DSTYK: variants seen among roughly 807,000 people sequenced by gnomAD.
DSTYK encodes the protein RIP-homologous kinase.
In DSTYK, 34 loss-of-function variants were observed where a neutral mutation model predicts 98.7. The ratio of observed to expected loss-of-function variants is 0.34; its 90% CI spans 0.26 to 0.46. The LOEUF is 0.46. Among genes scored for constraint, DSTYK ranks in the 20% least tolerant of loss-of-function variants. The pLI is 1.00. For synonymous variants in DSTYK, 462 were observed against 457.3 expected, an observed-to-expected ratio of 1.01 and a Z score of -0.13; for missense variants, 962 against 1,181.7, an observed-to-expected ratio of 0.81 and a Z score of 2.73.
intron 2 of DSTYK, among the ~76,000 whole-genome samples, chr1:205,178,310 T>C (rs1045527547): frequency 2.6e-5 from 4 of 151,984 alleles, no homozygotes; most frequent in African/African-American, 4.8e-5. Context: ...AACCGACAAG[T>C]TGATAAGAAT....
At chr1:205,184,879 C>A (rs1026950024) in intron 2 of DSTYK, among the ~76,000 whole-genome samples, 1 of 152,088 alleles carries the variant, frequency 6.6e-6, no homozygotes, top group Non-Finnish European at 1.5e-5. Flanking sequence ...TCACTGTGCT[C>A]AGACAAGCAT....
intron 1 of DSTYK, among the ~76,000 whole-genome samples, chr1:205,194,378 C>T (rs1452225699): frequency 1.3e-5 from 2 of 152,116 alleles, no homozygotes; most frequent in African/African-American, 2.4e-5. Context: ...AGGGAAGGCA[C>T]TACAAAAGTT....
chr1:205,145,527 T>TC lies in DSTYK; in HGVS notation c.*2030_*2031insG. ...TGTGCGACTCATCTTTGTTTTTTGT[T>TC]TTTTTTTTTGTTTTTTTTTGAGATA... On this transcript the variant is annotated 3_prime_UTR_variant, in exon 13 of 13. Transcript: ENST00000367162. The TC allele has an allele frequency of 7.4e-6, 1 of 134,596 alleles. No homozygotes were observed. Among genetic ancestry groups the TC allele is most frequent in the Non-Finnish European group, 1.7e-5 (1 of 60,000 alleles). 8.3% of individuals were successfully genotyped at this position (134,596 alleles called of 1,614,324 possible).
rs1219974248 is a variant in DSTYK, at chr1:205,146,286, C to T, written c.*1272G>A. The T allele has an allele frequency of 6.6e-6, 1 of 152,106 alleles. No homozygotes were observed. The highest frequency in any genetic ancestry group is 1.5e-5 in the Non-Finnish European group (1 of 68,036). The allele number at this position is 152,106 out of a possible 1,614,324, so 9.4% of individuals were successfully genotyped here. ...TTCTTCCAGTATGTTTGTACATAGG[C>T]CATGGCCTCCAATCATCTCCCACCT... On this transcript the variant is annotated 3_prime_UTR_variant, in exon 13 of 13. Transcript: ENST00000367162.
chr1:205,148,903 G>T (rs1216657191), intron 11 of DSTYK, among the ~76,000 whole-genome samples: 16 of 135,736 alleles, frequency 1.2e-4, no homozygotes, highest in South Asian at 2.4e-4. Flanking sequence ...ATTAGAAAGT[G>T]TTTTTTTTTT....
At chr1:205,178,800 C>T (rs923884643) in intron 2 of DSTYK, among the ~76,000 whole-genome samples, 4 of 152,106 alleles carry the variant, frequency 2.6e-5, no homozygotes, top group African/African-American at 7.2e-5. Context: ...TAGGTGCTTT[C>T]AACACATTCT....
intron 2 of DSTYK, among the ~76,000 whole-genome samples, chr1:205,185,731 TATAAAAAA>T (rs1658541805): frequency 6.6e-6 from 1 of 152,128 alleles, no homozygotes; most frequent in Non-Finnish European, 1.5e-5. Context: ...TGAATTAAAA[TATAAAAAA>T]GTAGCCAGGC....
chr1:205,159,164 T>C (rs1252592073), intron 9 of DSTYK, among the ~76,000 whole-genome samples: 6 of 152,114 alleles, frequency 3.9e-5, no homozygotes, highest in East Asian at 1.9e-4. Flanking sequence ...TCATAGCTCA[T>C]TGCAGTCTCA....
chr1:205,182,498 TAAAA>T (rs386369411), intron 2 of DSTYK, among the ~76,000 whole-genome samples: 9 of 77,752 alleles, frequency 1.2e-4, no homozygotes, highest in African/African-American at 2.8e-4. Flanking sequence ...TTAAAAACGG[TAAAA>T]AAAAAAAAAA....
Position 205,169,966 on chromosome 1 carries a change from C to T in DSTYK, c.655-134G>A, listed in dbSNP as rs746966751. On this transcript the variant is annotated intron_variant, in intron 2 of 12. Coordinates refer to ENST00000367162, the MANE Select transcript of DSTYK (RefSeq NM_015375.3). This position sits in a 1 kb window ranked among gnomAD's most constrained non-coding sequence, Gnocchi z 4.0. Reference sequence around the variant, plus strand: ...GACTTCGGTACCCCAGCCATTGATCCACCTCCTTCCTCGGTTACCAACACT... The same window carrying T: ...GACTTCGGTACCCCAGCCATTGATCTACCTCCTTCCTCGGTTACCAACACT... The T allele has an allele frequency of 1.5e-4, 118 of 784,294 alleles. No individual in the cohort carries two copies. The highest frequency in any genetic ancestry group is 2.2e-4 in the Non-Finnish European group (112 of 505,228). The allele number at this position is 784,294 out of a possible 1,614,324, so 48.6% of individuals were successfully genotyped here. A position where few individuals can be genotyped will look rare whatever the true frequency, so the allele number is the denominator to read the frequency against.
intron 10 of DSTYK, among the ~76,000 whole-genome samples, 175 bp downstream of exon 10, chr1:205,157,098 C>G (rs1272605710): frequency 6.6e-6 from 1 of 152,114 alleles, no homozygotes; most frequent in East Asian, 1.9e-4. Context: ...TCAATTAAAC[C>G]TCTTTCTTTA....
intron 1 of DSTYK, chr1:205,202,505 G>T: frequency 1.1e-6 from 1 of 870,398 alleles, no homozygotes; most frequent in Non-Finnish European, 1.9e-6. Flanking sequence ...GAACTTAAGG[G>T]TTTAGATGTA....
At chr1:205,183,748 A>G (rs1457990796) in intron 2 of DSTYK, among the ~76,000 whole-genome samples, 1 of 152,206 alleles carries the variant, frequency 6.6e-6, no homozygotes, top group African/African-American at 2.4e-5. Flanking sequence ...TAGCTGCTGT[A>G]CAATGCCCCC....
intron 3 of DSTYK, among the ~76,000 whole-genome samples, chr1:205,168,462 TC>T (rs1657953706): frequency 6.6e-6 from 1 of 152,216 alleles, no homozygotes; most frequent in South Asian, 2.1e-4. Context: ...AAGTCTGCAG[TC>T]ATCTTTAGTG....
chr1:205,160,083 T>C lies in DSTYK; in HGVS notation c.2105+31A>G, dbSNP rs749548267. The C allele has an allele frequency of 5.0e-6, 8 of 1,612,300 alleles. No homozygotes were observed. The African/African-American group carries it at 8.0e-5, about 16-fold the overall frequency. Reference sequence around the variant, plus strand: ...GGTTCTAGATTCTTCTCTGGATCTTTCTCATAGAGATGAATGAGGCCAGGA... The same window carrying C: ...GGTTCTAGATTCTTCTCTGGATCTTCCTCATAGAGATGAATGAGGCCAGGA... On this transcript the variant is annotated intron_variant, in intron 8 of 12. Transcript: ENST00000367162.
At chr1:205,165,354 G>A (rs765953947) in intron 3 of DSTYK, among the ~76,000 whole-genome samples, 5 of 152,158 alleles carry the variant, frequency 3.3e-5, no homozygotes, top group Non-Finnish European at 7.3e-5. Context: ...GCCTCCCAAA[G>A]TGCTGAGATT....
At position 205,187,530 on chromosome 1, in the gene DSTYK, T is replaced by A; in HGVS notation, c.542A>T (p.Gln181Leu). The A allele has an allele frequency of 6.2e-7, 1 of 1,614,178 alleles. No homozygotes were observed. Among genetic ancestry groups the A allele is most frequent in the Non-Finnish European group, 8.5e-7 (1 of 1,180,028 alleles). Residue 181 changes from glutamine (Q) to leucine (L), a missense_variant, in exon 2 of 13, where the codon CAG becomes CTG. Around this residue, in one of 4 missense-constraint regions of DSTYK, gnomAD observed 660 missense variants for 855.0 expected, o/e 0.77. Coordinates refer to ENST00000367162, the MANE Select transcript of DSTYK (RefSeq NM_015375.3). ...CTCAGGGATGGTCTCCCAGTTGCCC[T>A]GATGAGCAACCAGCGTGTGCACTAG... ...YELVHTLVAH[Q>L]GNWETIPEED...
At chr1:205,195,112 C>T (rs1309662473) in intron 1 of DSTYK, among the ~76,000 whole-genome samples, 1 of 136,432 alleles carries the variant, frequency 7.3e-6, no homozygotes, top group South Asian at 2.1e-4. Context: ...CAGGTGTGAG[C>T]CACCATGCCT....
At chr1:205,200,221 A>G (rs960807534) in intron 1 of DSTYK, among the ~76,000 whole-genome samples, 1 of 152,048 alleles carries the variant, frequency 6.6e-6, no homozygotes, top group Non-Finnish European at 1.5e-5. Flanking sequence ...TATTTTTAGT[A>G]GGGACAAGGT....
Sources: gnomAD v4.1 joint callset for allele counts (sites outside exome capture counted in the v4.1 genomes callset) on GRCh38, gnomAD v4.1.1 for gene constraint, gnomAD v4.1.1 regional missense constraint, Gnocchi (gnomAD v3.1) non-coding constraint, MANE v1.5 for transcripts, NCBI Gene and HGNC (gene_info 2026-07-23, HGNC 2026-07-21) for gene names.